Variants in DEPDC1 observed in about 807,000 individuals in gnomAD.
DEPDC1 encodes the protein DEP domain containing 1.
A neutral mutation model predicts 86.8 loss-of-function variants in DEPDC1; 66 were observed. That is an observed-to-expected ratio of 0.76 (90% confidence interval 0.62 to 0.93). The LOEUF (loss-of-function observed/expected upper bound fraction) is 0.93, where lower values mean the gene tolerates loss of function less well. Among genes scored for constraint, DEPDC1 ranks in the 40% least tolerant of loss-of-function variants. The pLI is 0.00. For missense variants in DEPDC1, 792 were observed against 935.7 expected (o/e 0.85, Z 2.00); for synonymous variants, 255 against 314.9 (o/e 0.81, Z 2.02).
At position 68,489,442 on chromosome 1, in the gene DEPDC1, G is replaced by A. The variant is rs577736949; in HGVS notation, c.471+10C>T. 4.1e-6 allele frequency: 6 copies of A among 1,462,378 alleles called. No homozygotes were observed. In the Admixed American group the frequency reaches 1.3e-4, roughly 33 times the overall value. The allele number at this position is 1,462,378 out of a possible 1,614,324, so 90.6% of individuals were successfully genotyped here. On this transcript the variant is annotated intron_variant, in intron 3 of 11. Transcript: ENST00000456315. ...TATTTAAACTAGTAATTAGTAAAAG[G>A]ATGTGTTACCTGAGATAAATGTAAT...
In DEPDC1 at chr1:68,496,924, C is replaced by T; in HGVS notation, c.48+28G>A. ...GTGGTGACTGCCGTCAGCCCGCTGA[C>T]CGGTCCCGTCTATCCGAGCTGTCTT... On this transcript the variant is annotated intron_variant, in intron 1 of 11. Coordinates refer to ENST00000456315, the MANE Select transcript of DEPDC1 (RefSeq NM_001114120.3). The surrounding 1 kb of genome is among the most constrained non-coding windows in gnomAD (Gnocchi z 4.0). The T allele has an allele frequency of 1.2e-6, 2 of 1,602,140 alleles. No homozygotes were observed. Among genetic ancestry groups the T allele is most frequent in the Non-Finnish European group, 1.7e-6 (2 of 1,172,070 alleles).
At position 68,482,684 on chromosome 1, in the gene DEPDC1, C is replaced by T. The variant is rs781407682; in HGVS notation, c.1124G>A (p.Arg375Lys). The change falls in exon 8 of 12, where the codon AGA (arginine) becomes AAA (lysine). Residue 375 changes from arginine to lysine, a missense_variant. Physicochemically the swap from Arg to Lys is conservative, Grantham distance 26 (BLOSUM62 2). Transcript: ENST00000456315. ...LQISNPGFQE[R>K]CAKKMQLVNL... ...AACTAGCTGCATTTTCTTAGCACATCTTTCTTGAAATCCTGGATTGCTTAT... is the reference window on the plus strand; with the variant it reads ...AACTAGCTGCATTTTCTTAGCACATTTTTCTTGAAATCCTGGATTGCTTAT... 9.9e-6 allele frequency: 16 copies of T among 1,612,322 alleles called. No homozygotes were observed. Among genetic ancestry groups the T allele is most frequent in the Non-Finnish European group, 1.3e-5 (15 of 1,179,194 alleles).
rs1646116222 is a variant in DEPDC1 at position 68,476,579 on chromosome 1, A to C, written c.*353T>G. 1 of 160,660 alleles carries C rather than the reference A, an allele frequency of 6.2e-6. No individual in the cohort carries two copies. Among genetic ancestry groups the C allele is most frequent in the African/African-American group, 2.4e-5 (1 of 41,816 alleles). 10.0% of individuals were successfully genotyped at this position (160,660 alleles called of 1,614,324 possible). On this transcript the variant is annotated 3_prime_UTR_variant, in exon 12 of 12. Coordinates refer to ENST00000456315, the MANE Select transcript of DEPDC1 (RefSeq NM_001114120.3). ...CATTAGCTAATATCTCAGAACTTGC[A>C]CATTTGCAGATAAATTTTCTTTTAA... is the stretch of plus-strand genomic sequence containing the variant.
rs553736867 is a variant in DEPDC1 at position 68,481,783 on chromosome 1, T to G, written c.1763-171A>C. 93 of 645,162 alleles carry G rather than the reference T, an allele frequency of 1.4e-4. No homozygotes were observed. In the African/African-American group the frequency reaches 1.5e-3, roughly 11 times the overall value. The allele number at this position is 645,162 out of a possible 1,614,324, so 40.0% of individuals were successfully genotyped here. A position where few individuals can be genotyped will look rare whatever the true frequency, so the allele number is the denominator to read the frequency against. On this transcript the variant is annotated intron_variant, in intron 8 of 11. Transcript: ENST00000456315. Reference sequence around the variant, plus strand: ...CATGGTAAGATTCTCATTATTTTCTTTACAACTTATTTCTAAGTATTAAAA... The same window carrying G: ...CATGGTAAGATTCTCATTATTTTCTGTACAACTTATTTCTAAGTATTAAAA...
chr1:68,490,486 T>C (rs575474651), intron 2 of DEPDC1, among the ~76,000 whole-genome samples: 1 of 152,334 alleles, frequency 6.6e-6, no homozygotes, highest in Non-Finnish European at 1.5e-5. Context: ...ACACATTTTC[T>C]TCATCCAGTA....
At chr1:68,481,708 T>C in intron 8 of DEPDC1, 96 bp from the exon 9 acceptor site, 1 of 948,488 alleles carries the variant, frequency 1.1e-6, no homozygotes, top group Non-Finnish European at 1.5e-6. Context: ...TAAAATAATA[T>C]CTTAGTATTT....
intron 2 of DEPDC1, among the ~76,000 whole-genome samples, chr1:68,492,038 T>C (rs1268253069): frequency 1.3e-5 from 2 of 151,918 alleles, no homozygotes; most frequent in African/African-American, 4.8e-5. Context: ...ATTACAGGTG[T>C]GAGCCACTCT....
chr1:68,476,916 T>C lies in DEPDC1; in HGVS notation c.*16A>G. The C allele has an allele frequency of 6.4e-7, 1 of 1,553,770 alleles. No individual in the cohort carries two copies. The highest frequency in any genetic ancestry group is 8.7e-7 in the Non-Finnish European group (1 of 1,146,642). On this transcript the variant is annotated 3_prime_UTR_variant, in exon 12 of 12. Coordinates refer to ENST00000456315, the MANE Select transcript of DEPDC1 (RefSeq NM_001114120.3). ...TCAAAGTTCCACAAGTATTACATAA[T>C]TTTTAATTCAGTTAGTTATCTTAGA...
At chr1:68,485,689 C>G (rs1487816098) in intron 6 of DEPDC1, among the ~76,000 whole-genome samples, 3 of 151,968 alleles carry the variant, frequency 2.0e-5, no homozygotes, top group African/African-American at 7.2e-5. Flanking sequence ...AGAGGAATAG[C>G]TAACTATACC....
In DEPDC1 at chr1:68,481,471, T is replaced by C. The variant is rs779870742; in HGVS notation, c.1904A>G (p.Lys635Arg). 36 of 1,612,344 alleles carry C rather than the reference T, an allele frequency of 2.2e-5. No homozygotes were observed. The South Asian group carries it at 2.5e-4, about 11-fold the overall frequency. Residue 635 changes from lysine (K) to arginine (R), a missense_variant, in exon 9 of 12, where the codon AAA becomes AGA. By Grantham distance (26) the Lys-to-Arg change is conservative. Coordinates refer to ENST00000456315, the MANE Select transcript of DEPDC1 (RefSeq NM_001114120.3). ...SRMSQNVDMP[K>R]LHDAMGTRSL... The stretch of plus-strand genomic sequence containing the variant: ...CCTCGTACCCATTGCATCATGAAGT[T>C]TGGGCATATCAACATTTTGACTCAT...
In DEPDC1 at chr1:68,475,133, T is replaced by A. The variant is rs992489623; in HGVS notation, c.*1799A>T. 2 of 152,026 alleles carry A rather than the reference T, an allele frequency of 1.3e-5. No individual in the cohort carries two copies. Among genetic ancestry groups the A allele is most frequent in the African/African-American group, 4.8e-5 (2 of 41,446 alleles). 9.4% of individuals were successfully genotyped at this position (152,026 alleles called of 1,614,324 possible). On this transcript the variant is annotated 3_prime_UTR_variant, in exon 12 of 12. Coordinates refer to ENST00000456315, the MANE Select transcript of DEPDC1 (RefSeq NM_001114120.3). ...TAACAAAACTGGGGCTTAGAGAAGTTAAGTAACTTGTCTGAGTTTACTAGC... is the reference window on the plus strand; with the variant it reads ...TAACAAAACTGGGGCTTAGAGAAGTAAAGTAACTTGTCTGAGTTTACTAGC...
At chr1:68,489,744 T>C in intron 2 of DEPDC1, 136 bp from the exon 3 acceptor site, 1 of 591,590 alleles carries the variant, frequency 1.7e-6, no homozygotes, top group African/African-American at 2.0e-5. Flanking sequence ...GACAAATAAA[T>C]TTTCCCATTA....
At chr1:68,491,524 G>A (rs1341077949) in intron 2 of DEPDC1, among the ~76,000 whole-genome samples, 1 of 152,164 alleles carries the variant, frequency 6.6e-6, no homozygotes, top group East Asian at 1.9e-4. Context: ...ACAGGTGCTG[G>A]CAAGGTTGCG....
intron 8 of DEPDC1, 115 bp downstream of exon 8, chr1:68,481,931 C>A: frequency 9.5e-7 from 1 of 1,056,020 alleles, no homozygotes; most frequent in Non-Finnish European, 1.3e-6. Context: ...TTAAATAATT[C>A]CTCTTGGAGG....
chr1:68,477,070 C>T lies in DEPDC1; in HGVS notation c.2299-1G>A. The T allele has an allele frequency of 1.3e-6, 2 of 1,593,348 alleles. No homozygotes were observed. Among genetic ancestry groups the T allele is most frequent in the South Asian group, 1.1e-5 (1 of 87,344 alleles). ...ATATCAAAGGATATTCCTTCTGAAA[C>T]TTAAAAATGAGGTGAGAAATTAGAA... On this transcript the variant is annotated splice_acceptor_variant, in intron 11 of 11. Coordinates refer to ENST00000456315, the MANE Select transcript of DEPDC1 (RefSeq NM_001114120.3). LOFTEE classifies it high-confidence loss of function.
intron 8 of DEPDC1, 85 bp from the exon 9 acceptor site, chr1:68,481,697 G>T: frequency 9.5e-7 from 1 of 1,055,530 alleles, no homozygotes; most frequent in South Asian, 2.2e-5. Context: ...TATAAAGAAG[G>T]TAAAATAATA....
chr1:68,479,175 T>C lies in DEPDC1; in HGVS notation c.2081A>G (p.Glu694Gly), dbSNP rs1273887839. ...QVPSYLQTAV[E>G]KHLDYLKKGH... ...CTTTTTTAAGTAGTCAAGATGTTTTTCCACTGCAGTCTGTAAGTAAGAGGG... is the reference window on the plus strand; with the variant it reads ...CTTTTTTAAGTAGTCAAGATGTTTTCCCACTGCAGTCTGTAAGTAAGAGGG... Residue 694 changes from glutamate to glycine, a missense_variant, in exon 10 of 12, where the codon GAA becomes GGA. Transcript: ENST00000456315. 1 of 1,610,458 alleles carries C rather than the reference T, an allele frequency of 6.2e-7. No homozygotes were observed. The highest frequency in any genetic ancestry group is 1.7e-5 in the Admixed American group (1 of 59,476).
intron 9 of DEPDC1, among the ~76,000 whole-genome samples, chr1:68,479,680 G>A (rs1175379537): frequency 1.3e-5 from 2 of 151,804 alleles, no homozygotes; most frequent in African/African-American, 2.4e-5. Context: ...GTGCATGACT[G>A]TGGTTCCAGC....
At chr1:68,481,415 T>C (rs997457896) in intron 9 of DEPDC1, 25 bp downstream of exon 9, 8 of 1,591,772 alleles carry the variant, frequency 5.0e-6, no homozygotes, top group Non-Finnish European at 6.9e-6. Context: ...ATCAGACTTA[T>C]TCTTTCTATA....
Sources: gnomAD v4.1 joint callset for allele counts (sites outside exome capture counted in the v4.1 genomes callset) on GRCh38, gnomAD v4.1.1 for gene constraint, Gnocchi (gnomAD v3.1) non-coding constraint, MANE v1.5 for transcripts, NCBI Gene and HGNC (gene_info 2026-07-23, HGNC 2026-07-21) for gene names.